The following SSBP3 variants were observed in gnomAD, a reference collection of about 807,000 sequenced individuals.
SSBP3 encodes single-stranded DNA-binding protein 3.
SSBP3 carries 5 observed loss-of-function variants against 69.6 expected under a neutral mutation model. That is an observed-to-expected ratio of 0.07 (90% confidence interval 0.04 to 0.15). SSBP3 has a LOEUF of 0.15. Among genes scored for constraint, SSBP3 ranks in the 10% least tolerant of loss-of-function variants. The pLI is 1.00. For synonymous variants in SSBP3, 196 were observed against 193.4 expected, an observed-to-expected ratio of 1.01 and a Z score of -0.11; for missense variants, 312 against 534.0, an observed-to-expected ratio of 0.58 and a Z score of 4.10.
In SSBP3 at chr1:54,235,448, A is replaced by ATTTTTTTTTTTTTT. The variant is rs71580002; in HGVS notation, c.927+3667_927+3680dup. 1.3e-3 allele frequency among the ~76,000 whole-genome samples: 89 copies of ATTTTTTTTTTTTTT among 69,922 alleles called. 2 individuals are homozygous for ATTTTTTTTTTTTTT. The highest frequency in any genetic ancestry group is 1.7e-3 in the South Asian group (3 of 1,796). The allele number at this position is 69,922 out of a possible 152,430, so 45.9% of individuals were successfully genotyped here. A position where few individuals can be genotyped will look rare whatever the true frequency, so the allele number is the denominator to read the frequency against. On this transcript the variant is annotated intron_variant, in intron 14 of 17. Transcript: ENST00000610401. ...AGGCGTGTACCACCATGCCCGGCTG[A>ATTTTTTTTTTTTTT]TTTTTTTTTTTTTTTTTTTTTTTTT...
At chr1:54,229,560 G>A (rs1644346444) in intron 14 of SSBP3, among the ~76,000 whole-genome samples, 1 of 152,174 alleles carries the variant, frequency 6.6e-6, no homozygotes, top group South Asian at 2.1e-4. Flanking sequence ...TGGTGTGGCA[G>A]ATGAGGGCTT....
intron 4 of SSBP3, among the ~76,000 whole-genome samples, chr1:54,330,025 G>T (rs1646379798): frequency 6.6e-6 from 1 of 152,100 alleles, no homozygotes; most frequent in South Asian, 2.1e-4. Context: ...CTGATGAATA[G>T]CACTGCCTGG....
intron 4 of SSBP3, among the ~76,000 whole-genome samples, chr1:54,391,207 A>G (rs1456434075): frequency 2.0e-5 from 3 of 152,200 alleles, no homozygotes; most frequent in Non-Finnish European, 4.4e-5. Context: ...AGGGGACCAC[A>G]ACTCACAAAG....
intron 9 of SSBP3, among the ~76,000 whole-genome samples, chr1:54,246,903 C>T (rs958133811): frequency 1.3e-5 from 2 of 152,242 alleles, no homozygotes; most frequent in African/African-American, 4.8e-5. Flanking sequence ...CTTTGGCCAG[C>T]TCCTGCCTGC....
upstream of SSBP3, among the ~76,000 whole-genome samples, chr1:54,408,091 C>T (rs749305397): frequency 4.6e-5 from 7 of 152,092 alleles, no homozygotes; most frequent in Non-Finnish European, 8.8e-5. Context: ...TAGAGTACAG[C>T]CAGGCCCTGC....
At position 54,258,346 on chromosome 1, in the gene SSBP3, G is replaced by A. The variant is rs529538856; in HGVS notation, c.367-197C>T. 1.1e-4 allele frequency among the ~76,000 whole-genome samples: 16 copies of A among 152,328 alleles called. No homozygotes were observed. The highest frequency in any genetic ancestry group is 3.4e-4 in the African/African-American group (14 of 41,574). ...ACGGTGTAAAACGGCGAGCGGGAGC[G>A]AGAGAAGCTGATAAATACATTCACA... is the stretch of plus-strand genomic sequence containing the variant. On this transcript the variant is annotated intron_variant, in intron 5 of 17. Transcript: ENST00000610401. The surrounding 1 kb of genome is among the most constrained non-coding windows in gnomAD (Gnocchi z 4.5).
intron 7 of SSBP3, among the ~76,000 whole-genome samples, chr1:54,253,876 GGAGA>G (rs1309381140): frequency 6.6e-6 from 1 of 152,200 alleles, no homozygotes; most frequent in Non-Finnish European, 1.5e-5. Flanking sequence ...ACCAATTCTT[GGAGA>G]AAGCTCCTCC....
At chr1:54,368,277 A>G (rs12058699) in intron 4 of SSBP3, among the ~76,000 whole-genome samples, 9,103 of 143,646 alleles carry the variant, frequency 0.063, 758 homozygotes, top group African/African-American at 0.19. Flanking sequence ...CAGCAGAACG[A>G]GACTCCATCT....
chr1:54,344,894 C>T (rs960886593), intron 4 of SSBP3, among the ~76,000 whole-genome samples: 23 of 152,322 alleles, frequency 1.5e-4, no homozygotes, highest in African/African-American at 5.3e-4. Context: ...ACTGCTTGAG[C>T]GCGTCGCTGG....
Position 54,316,669 on chromosome 1 carries a change from T to TAA in SSBP3, c.277-35144_277-35143dup, listed in dbSNP as rs1358788482. On this transcript the variant is annotated intron_variant, in intron 4 of 17. Transcript: ENST00000610401. ...TCTCAAAAAAAAAAAATAAAATAAATAAATAAATAAATAAATAAATAAATA... is the reference window on the plus strand; with the variant it reads ...TCTCAAAAAAAAAAAATAAAATAAATAAAAATAAATAAATAAATAAATAAATA... Among the ~76,000 whole-genome samples, 16 of 43,060 alleles carry TAA rather than the reference T, an allele frequency of 3.7e-4. 2 individuals carry two copies. Among genetic ancestry groups the TAA allele is most frequent in the African/African-American group, 1.6e-3 (15 of 9,318 alleles). The allele number at this position is 43,060 out of a possible 152,430, so 28.2% of individuals were successfully genotyped here. A position where few individuals can be genotyped will look rare whatever the true frequency, so the allele number is the denominator to read the frequency against.
At chr1:54,230,173 C>T (rs1184194553) in intron 14 of SSBP3, among the ~76,000 whole-genome samples, 1 of 152,156 alleles carries the variant, frequency 6.6e-6, no homozygotes, top group Non-Finnish European at 1.5e-5. Flanking sequence ...GAGCTGCTTC[C>T]CCGTGCCCAC....
upstream of SSBP3, among the ~76,000 whole-genome samples, chr1:54,409,089 C>G (rs943029129): frequency 2.6e-5 from 4 of 152,186 alleles, no homozygotes; most frequent in African/African-American, 9.7e-5. Context: ...AGAAGCAAGT[C>G]CAAACACCCA....
Position 54,404,809 on chromosome 1 carries a change from G to T in SSBP3, c.129+49C>A, listed in dbSNP as rs766619298. ...TGAAAACAAAGGCTCTAAGAATAGT[G>T]GGGGGGGGGGGTGTCAAGAAATTGG... On this transcript the variant is annotated intron_variant, in intron 2 of 17. Transcript: ENST00000610401. 5.6e-4 allele frequency: 127 copies of T among 225,518 alleles called. 1 individual carries two copies. Among genetic ancestry groups the T allele is most frequent in the East Asian group, 4.9e-3 (26 of 5,254 alleles). 14.0% of individuals were successfully genotyped at this position (225,518 alleles called of 1,614,324 possible). A position where few individuals can be genotyped will look rare whatever the true frequency, so the allele number is the denominator to read the frequency against.
chr1:54,406,845 TC>T (rs901100651), upstream of SSBP3, among the ~76,000 whole-genome samples: 3 of 96,310 alleles, frequency 3.1e-5, no homozygotes, highest in South Asian at 9.9e-4. Context: ...GCCCCTCAGC[TC>T]CCCCCCGCCG....
intron 15 of SSBP3, 57 bp downstream of exon 15, chr1:54,228,691 G>C: frequency 6.5e-7 from 1 of 1,539,674 alleles, no homozygotes; most frequent in Non-Finnish European, 8.8e-7. Flanking sequence ...CAGGAGCTGA[G>C]GCACAGAGCT....
intron 7 of SSBP3, among the ~76,000 whole-genome samples, chr1:54,255,940 C>T (rs1223297752): frequency 6.6e-6 from 1 of 152,056 alleles, no homozygotes; most frequent in Non-Finnish European, 1.5e-5. Context: ...GGCATGGTGG[C>T]GCACACCTGT....
intron 4 of SSBP3, among the ~76,000 whole-genome samples, chr1:54,332,445 C>T (rs530212030): frequency 6.6e-6 from 1 of 152,178 alleles, no homozygotes; most frequent in Non-Finnish European, 1.5e-5. Context: ...ACCTTGAATG[C>T]CTCAGCCAGG....
intron 4 of SSBP3, among the ~76,000 whole-genome samples, chr1:54,399,778 A>C (rs1649164706): frequency 6.6e-6 from 1 of 152,252 alleles, no homozygotes; most frequent in Non-Finnish European, 1.5e-5. Flanking sequence ...GACAAAAAGA[A>C]AAGTGGGCTC....
intron 13 of SSBP3, among the ~76,000 whole-genome samples, chr1:54,240,089 C>CGT (rs1419658974): frequency 9.5e-5 from 4 of 42,014 alleles, no homozygotes; most frequent in Admixed American, 2.7e-4. Context: ...TGTGTGTGTG[C>CGT]GCGCGCGCGC....
Sources: allele counts gnomAD v4.1 joint callset (sites outside exome capture counted in the v4.1 genomes callset), GRCh38; gene constraint gnomAD v4.1.1; non-coding constraint Gnocchi (gnomAD v3.1); transcripts MANE v1.5; gene names NCBI Gene and HGNC (gene_info 2026-07-23, HGNC 2026-07-21).